Variants in NOS2 observed in about 807,000 individuals in gnomAD.
NOS2 encodes the protein nitric oxide synthase, inducible.
A neutral mutation model predicts 136.0 loss-of-function variants in NOS2; 96 were observed. That is an observed-to-expected ratio of 0.71 (90% confidence interval 0.60 to 0.84). NOS2 has a LOEUF of 0.84. NOS2 is among the 40% of genes least tolerant of loss of function. The probability of loss-of-function intolerance (pLI) is 0.00; values close to 1 mark genes in which losing one functional copy is unlikely to be tolerated. For missense variants in NOS2, 1,237 were observed against 1,496.9 expected, an observed-to-expected ratio of 0.83 and a Z score of 2.87; for synonymous variants, 539 against 587.5, an observed-to-expected ratio of 0.92 and a Z score of 1.20.
chr17:27,767,563 T>G (rs1177761064), intron 18 of NOS2, 142 bp downstream of exon 18: 17 of 979,820 alleles, frequency 1.7e-5, no homozygotes, highest in Non-Finnish European at 2.3e-5. Context: ...TATTATGCCC[T>G]AACAGGCTCT....
rs530466146 is a variant in NOS2, at chr17:27,759,565, G to A, written c.3159+465C>T. ...CCCAGCACTGGGCACAGAGCACTGG[G>A]CCCAAGAGGTGCCCTGATGGGACAA... On this transcript the variant is annotated intron_variant, in intron 25 of 26. Coordinates refer to ENST00000313735, the MANE Select transcript of NOS2 (RefSeq NM_000625.4). 2.6e-5 allele frequency among the ~76,000 whole-genome samples: 4 copies of A among 152,248 alleles called. No homozygotes were observed. The South Asian group carries it at 6.2e-4, about 24-fold the overall frequency.
chr17:27,763,792 CA>C (rs1908211371), intron 21 of NOS2, among the ~76,000 whole-genome samples, 188 bp downstream of exon 21: 1 of 151,822 alleles, frequency 6.6e-6, no homozygotes, highest in Admixed American at 6.6e-5. Flanking sequence ...AAATTCAGTT[CA>C]CTCAACACAA....
intron 20 of NOS2, among the ~76,000 whole-genome samples, chr17:27,764,657 A>T (rs1908239094): frequency 6.6e-6 from 1 of 152,154 alleles, no homozygotes; most frequent in South Asian, 2.1e-4. Context: ...CTGGCTCCCC[A>T]CTTCTGAGGT....
chr17:27,778,905 C>T lies in NOS2; in HGVS notation c.1156G>A (p.Val386Ile), dbSNP rs746482593. The change falls in exon 10 of 27, where the codon GTC becomes ATC. Residue 386 changes from valine (V) to isoleucine (I), a missense_variant. By Grantham distance (29) the Val-to-Ile change is conservative. Coordinates refer to ENST00000313735, the MANE Select transcript of NOS2 (RefSeq NM_000625.4). The stretch of plus-strand genomic sequence containing the variant: ...ACCTCCAGGATGTTGTAGCGCTGGA[C>T]GTCACAGAAGTCCCGGACTCCGATC... ...TEIGVRDFCD[V>I]QRYNILEEVG... is the part of the protein sequence containing the mutation. The T allele has an allele frequency of 1.3e-5, 21 of 1,608,370 alleles. No homozygotes were observed. In the South Asian group the frequency reaches 1.7e-4, roughly 13 times the overall value.
rs201041099 is a variant in NOS2 at position 27,767,699 on chromosome 17, A to C, written c.2167+6T>G. On this transcript the variant is annotated splice_donor_region_variant and intron_variant, in intron 18 of 26. Coordinates refer to ENST00000313735, the MANE Select transcript of NOS2 (RefSeq NM_000625.4). ...CAAGCCCCATGTGCTGCAGAGAAGC[A>C]GGTACCTTTGCTGAGGTCCAAAGGC... The C allele has an allele frequency of 1.3e-5, 21 of 1,613,346 alleles. No individual in the cohort carries two copies. The highest frequency in any genetic ancestry group is 1.8e-5 in the Non-Finnish European group (21 of 1,179,856).
chr17:27,779,072 A>G lies in NOS2; in HGVS notation c.1005-16T>C, dbSNP rs766688831. 5 of 1,436,686 alleles carry G rather than the reference A, an allele frequency of 3.5e-6. No homozygotes were observed. Among genetic ancestry groups the G allele is most frequent in the Non-Finnish European group, 4.6e-6 (5 of 1,089,786 alleles). 89.0% of individuals were successfully genotyped at this position (1,436,686 alleles called of 1,614,324 possible). ...CCACTCGTATCTGGCAAAAAGGTAG[A>G]CACAATTTAACTGGGGCCTTCCTTA... On this transcript the variant is annotated splice_polypyrimidine_tract_variant and intron_variant, in intron 9 of 26. Transcript: ENST00000313735.
chr17:27,791,349 A>G (rs1191227557), intron 2 of NOS2, among the ~76,000 whole-genome samples: 1 of 152,174 alleles, frequency 6.6e-6, no homozygotes, highest in Non-Finnish European at 1.5e-5. Flanking sequence ...AGTTTTAGCA[A>G]AAGAATCCCT....
intron 1 of NOS2, 141 bp downstream of exon 1, chr17:27,800,198 A>G (rs1247499047): frequency 6.6e-6 from 1 of 152,228 alleles, no homozygotes; most frequent in African/African-American, 2.4e-5. Context: ...ACCAAACCTC[A>G]TGTCGGCATT....
rs1909104613 is a variant in NOS2 at position 27,788,887 on chromosome 17, G to A, written c.240C>T (p.Ser80=). The change falls in exon 4 of 27, where the codon TCC becomes TCT. Residue 80 remains serine, a synonymous_variant. Transcript: ENST00000313735. ...TTTTGATCCTCACATGCCGTGGGGA[G>A]GACAATGGGGTTGCATCCAGCTTGA... ...SLVKLDATPL[S]SPRHVRIKNW... The A allele has an allele frequency of 1.9e-6, 3 of 1,614,160 alleles. No homozygotes were observed. The highest frequency in any genetic ancestry group is 3.3e-5 in the Admixed American group (2 of 60,012).
In NOS2 at chr17:27,765,687, C is replaced by T; in HGVS notation, c.2276G>A (p.Cys759Tyr). ...SRATILVELS[C>Y]EDGQGLNYLP... ...GTAGTTCAGGCCTTGGCCATCCTCA[C>T]AGGAGAGTTCCACCAGGATGGTGGC... The change falls in exon 20 of 27, where the codon TGT becomes TAT. Residue 759 changes from cysteine (C) to tyrosine (Y), a missense_variant. Transcript: ENST00000313735. 2 of 1,610,862 alleles carry T rather than the reference C, an allele frequency of 1.2e-6. No homozygotes were observed. Among genetic ancestry groups the T allele is most frequent in the Non-Finnish European group, 1.7e-6 (2 of 1,179,004 alleles).
intron 24 of NOS2, 81 bp from the exon 25 acceptor site, chr17:27,760,259 C>T: frequency 7.2e-7 from 1 of 1,380,778 alleles, no homozygotes; most frequent in Non-Finnish European, 9.7e-7. Context: ...ATTCTCACTT[C>T]ACTCCCACTA....
intron 11 of NOS2, among the ~76,000 whole-genome samples, chr17:27,775,443 A>G (rs933301382): frequency 6.6e-6 from 1 of 152,128 alleles, no homozygotes; most frequent in Non-Finnish European, 1.5e-5. Context: ...ACTAAAAAAT[A>G]TAATAATTAG....
At chr17:27,779,156 G>A (rs1908760160) in intron 9 of NOS2, 100 bp from the exon 10 acceptor site, 1 of 906,806 alleles carries the variant, frequency 1.1e-6, no homozygotes, top group African/African-American at 1.7e-5. Context: ...TGCTCATGCT[G>A]GAGTGCAGTG....
In NOS2 at chr17:27,760,116, AGATGTGG is replaced by A; in HGVS notation, c.3066_3072del (p.His1023ThrfsTer71). ...GCCATCTCCAGCATCTCCTCCTGGT[AGATGTGG>A]TCCTCATCTGGGCGGCGGCACCCAA... On this transcript the variant is annotated frameshift_variant, in exon 25 of 27. Coordinates refer to ENST00000313735, the MANE Select transcript of NOS2 (RefSeq NM_000625.4). LOFTEE classifies it high-confidence loss of function. The A allele has an allele frequency of 6.2e-7, 1 of 1,606,714 alleles. No individual in the cohort carries two copies. Among genetic ancestry groups the A allele is most frequent in the Non-Finnish European group, 8.5e-7 (1 of 1,176,720 alleles).
At chr17:27,766,478 T>C in intron 19 of NOS2, 32 bp downstream of exon 19, 1 of 1,541,514 alleles carries the variant, frequency 6.5e-7, no homozygotes, top group Non-Finnish European at 9.0e-7. Flanking sequence ...ATCGACAGAG[T>C]ATCACCCACG....
At position 27,757,313 on chromosome 17, in the gene NOS2, A is replaced by T. The variant is rs1567631042; in HGVS notation, c.3395T>A (p.Phe1132Tyr). The T allele has an allele frequency of 6.2e-7, 1 of 1,614,068 alleles. No individual in the cohort carries two copies. Among genetic ancestry groups the T allele is most frequent in the Non-Finnish European group, 8.5e-7 (1 of 1,179,992 alleles). Residue 1132 changes from phenylalanine to tyrosine, a missense_variant, in exon 27 of 27, where the codon TTT (phenylalanine) becomes TAT (tyrosine). Physicochemically the swap from Phe to Tyr is conservative, Grantham distance 22 (BLOSUM62 3). Coordinates refer to ENST00000313735, the MANE Select transcript of NOS2 (RefSeq NM_000625.4). Reference protein sequence around the residue: ...RYHEDIFGAVFPYEAKKDRVA... With the variant: ...RYHEDIFGAVYPYEAKKDRVA... ...CCTGTCCTTCTTCGCCTCGTAAGGA[A>T]ATACAGCACCAAAGATATCTTCGTG...
intron 11 of NOS2, among the ~76,000 whole-genome samples, chr17:27,775,564 T>C (rs1001838015): frequency 5.9e-5 from 9 of 152,090 alleles, no homozygotes; most frequent in African/African-American, 2.2e-4. Flanking sequence ...ATCGCACCAC[T>C]GCACTCCAGC....
intron 24 of NOS2, 107 bp downstream of exon 24, chr17:27,760,516 G>C (rs1265168053): frequency 8.3e-6 from 12 of 1,444,322 alleles, no homozygotes; most frequent in Non-Finnish European, 1.1e-5. Context: ...AACTTGGGAG[G>C]CCTTCCCTCG....
chr17:27,768,297 C>A (rs892008822), intron 17 of NOS2, among the ~76,000 whole-genome samples: 10 of 152,178 alleles, frequency 6.6e-5, no homozygotes, highest in African/African-American at 2.4e-4. Context: ...GCAATCTGCC[C>A]ACCTCAGCCT....
Sources: gnomAD v4.1 joint callset for allele counts (sites outside exome capture counted in the v4.1 genomes callset) on GRCh38, gnomAD v4.1.1 for gene constraint, MANE v1.5 for transcripts, NCBI Gene and HGNC (gene_info 2026-07-23, HGNC 2026-07-21) for gene names.